LRP1B: variants seen among roughly 807,000 people sequenced by gnomAD.
The protein encoded by LRP1B is LDL receptor related protein 1B, also known as low-density lipoprotein receptor-related protein 1B.
LRP1B carries 217 observed loss-of-function variants against 556.6 expected under a neutral mutation model. That is an observed-to-expected ratio of 0.39 (90% confidence interval 0.35 to 0.44). The LOEUF (loss-of-function observed/expected upper bound fraction) is 0.44, where lower values mean the gene tolerates loss of function less well. Ranked by LOEUF, LRP1B falls within the 20% of genes least tolerant of loss-of-function variation. The probability of loss-of-function intolerance (pLI) is 1.00; values close to 1 mark genes in which losing one functional copy is unlikely to be tolerated. For missense variants in LRP1B, 5,053 were observed against 5,620.8 expected, an observed-to-expected ratio of 0.90 and a Z score of 3.23; for synonymous variants, 2,047 against 1,865.8, an observed-to-expected ratio of 1.10 and a Z score of -2.50.
chr2:141,617,876 T>C (rs1411741701), intron 2 of LRP1B, among the ~76,000 whole-genome samples: 1 of 147,918 alleles, frequency 6.8e-6, no homozygotes, highest in Admixed American at 6.7e-5. Flanking sequence ...GTATTTTCTC[T>C]ATCCTAATTA....
chr2:141,907,712 T>A (rs1195638985), intron 1 of LRP1B, among the ~76,000 whole-genome samples: 2 of 152,106 alleles, frequency 1.3e-5, no homozygotes, highest in African/African-American at 4.8e-5. Flanking sequence ...ATAGTCAATA[T>A]TTTAGGTTTT....
intron 1 of LRP1B, among the ~76,000 whole-genome samples, chr2:141,913,131 ATGG>A (rs538990272): frequency 1.2e-4 from 18 of 152,190 alleles, no homozygotes; most frequent in Admixed American, 2.0e-4. Context: ...CGTTCTGAAG[ATGG>A]TGGTGATGGT....
At chr2:140,343,696 T>A (rs149562242) in intron 77 of LRP1B, among the ~76,000 whole-genome samples, 110 of 151,760 alleles carry the variant, frequency 7.2e-4, no homozygotes, top group Admixed American at 2.0e-3. Flanking sequence ...AGTATGTAGG[T>A]TCATAAATAG....
chr2:140,822,097 A>G (rs1233528103), intron 31 of LRP1B, among the ~76,000 whole-genome samples: 1 of 152,222 alleles, frequency 6.6e-6, no homozygotes, highest in East Asian at 1.9e-4. Flanking sequence ...GGTAATGTTG[A>G]TTGACAAGCC....
At chr2:141,084,279 T>C (rs957050261) in intron 7 of LRP1B, among the ~76,000 whole-genome samples, 3 of 152,232 alleles carry the variant, frequency 2.0e-5, no homozygotes, top group African/African-American at 7.2e-5. Flanking sequence ...ATTGTACCTT[T>C]TGATACAGAA....
At chr2:141,780,535 A>G (rs1695220096) in intron 2 of LRP1B, among the ~76,000 whole-genome samples, 1 of 152,128 alleles carries the variant, frequency 6.6e-6, no homozygotes, top group South Asian at 2.1e-4. Context: ...AGCATTTCTG[A>G]ATCTTGATGG....
chr2:141,172,502 C>G (rs893492489), intron 7 of LRP1B, among the ~76,000 whole-genome samples: 12 of 151,944 alleles, frequency 7.9e-5, no homozygotes, highest in African/African-American at 2.9e-4. Context: ...AATGAATATT[C>G]TTATTTCATT....
At chr2:141,192,735 A>G (rs1428603884) in intron 6 of LRP1B, among the ~76,000 whole-genome samples, 1 of 151,974 alleles carries the variant, frequency 6.6e-6, no homozygotes, top group Non-Finnish European at 1.5e-5. Context: ...ATCTGAAAGT[A>G]CTGACCACTC....
chr2:140,511,362 C>T (rs898585652), intron 51 of LRP1B, among the ~76,000 whole-genome samples: 5 of 118,118 alleles, frequency 4.2e-5, no homozygotes, highest in South Asian at 5.8e-4. Context: ...AGTGCGGTGG[C>T]GCGGTCTCGG....
intron 2 of LRP1B, among the ~76,000 whole-genome samples, chr2:141,737,903 G>C (rs1693550635): frequency 6.6e-6 from 1 of 152,080 alleles, no homozygotes; most frequent in South Asian, 2.1e-4. Flanking sequence ...CTACTGTTTT[G>C]AGTCATCATG....
intron 1 of LRP1B, among the ~76,000 whole-genome samples, chr2:141,850,750 A>T (rs1266846734): frequency 6.6e-6 from 1 of 151,580 alleles, no homozygotes; most frequent in East Asian, 1.9e-4. Context: ...ACTAAGAGGC[A>T]TCCATTGCAT....
At chr2:141,886,495 T>C (rs1699118244) in intron 1 of LRP1B, among the ~76,000 whole-genome samples, 1 of 152,282 alleles carries the variant, frequency 6.6e-6, no homozygotes, top group South Asian at 2.1e-4. Context: ...ATACCTTAGC[T>C]CTGATAAGAC....
At position 140,350,832 on chromosome 2, in the gene LRP1B, C is replaced by T. The variant is rs1478811469; in HGVS notation, c.11857G>A (p.Gly3953Ser). ...PGGIFYKRIH[G>S]REKRQANSGL... ...CTGTTTGCTTGCCTTTTTTCTCTGC[C>T]ATGGATCCTTTTGTAGAAAATTCCG... The change falls in exon 77 of 91, where the codon GGC becomes AGC. Residue 3953 changes from glycine to serine, a missense_variant. Physicochemically the swap from Gly to Ser is moderately conservative, Grantham distance 56. Around this residue, in one of 5 missense-constraint regions of LRP1B, gnomAD observed 599 missense variants for 648.4 expected, o/e 0.92. Coordinates refer to ENST00000389484, the MANE Select transcript of LRP1B (RefSeq NM_018557.3). 6.2e-7 allele frequency: 1 copy of T among 1,610,838 alleles called. No individual in the cohort carries two copies. Among genetic ancestry groups the T allele is most frequent in the South Asian group, 1.1e-5 (1 of 90,832 alleles).
At chr2:141,715,367 A>C (rs1362974623) in intron 2 of LRP1B, among the ~76,000 whole-genome samples, 1 of 152,104 alleles carries the variant, frequency 6.6e-6, no homozygotes, top group Non-Finnish European at 1.5e-5. Flanking sequence ...GCTACTCAGG[A>C]GGCCAAGGTG....
At chr2:141,749,537 G>C (rs189125466) in intron 2 of LRP1B, among the ~76,000 whole-genome samples, 10 of 152,144 alleles carry the variant, frequency 6.6e-5, no homozygotes, top group African/African-American at 2.2e-4. Context: ...ACCTAAACTT[G>C]AATGATACCA....
At chr2:141,327,529 A>G (rs1226273698) in intron 3 of LRP1B, among the ~76,000 whole-genome samples, 1 of 152,158 alleles carries the variant, frequency 6.6e-6, no homozygotes, top group Admixed American at 6.5e-5. Flanking sequence ...CCACATCTAT[A>G]TTTTTCAGAA....
chr2:141,174,327 A>G (rs1006096218), intron 7 of LRP1B, among the ~76,000 whole-genome samples: 9 of 152,054 alleles, frequency 5.9e-5, no homozygotes, highest in Non-Finnish European at 1.3e-4. Flanking sequence ...CACTCTTTGG[A>G]CAGCATATAA....
At chr2:140,669,108 T>C (rs748667088) in intron 41 of LRP1B, among the ~76,000 whole-genome samples, 8 of 152,178 alleles carry the variant, frequency 5.3e-5, no homozygotes, top group Non-Finnish European at 7.4e-5. Flanking sequence ...GGTATCAGGG[T>C]ATCTGCATTC....
chr2:141,115,452 G>GTTTTTTTTTTTTTTTT, intron 7 of LRP1B, among the ~76,000 whole-genome samples: 1 of 90,610 alleles, frequency 1.1e-5, no homozygotes, highest in Non-Finnish European at 2.4e-5. Context: ...ATAGGTTTTT[G>GTTTTTTTTTTTTTTTT]TTTTTGTTTT....
Sources: gnomAD v4.1 joint callset for allele counts (sites outside exome capture counted in the v4.1 genomes callset) on GRCh38, gnomAD v4.1.1 for gene constraint, gnomAD v4.1.1 regional missense constraint, MANE v1.5 for transcripts, NCBI Gene and HGNC (gene_info 2026-07-23, HGNC 2026-07-21) for gene names.